The following CHFR variants were observed in gnomAD, a reference collection of about 807,000 sequenced individuals.
The protein encoded by CHFR is checkpoint with forkhead and ring finger domains.
CHFR carries 57 observed loss-of-function variants against 87.6 expected under a neutral mutation model. That is an observed-to-expected ratio of 0.65 (90% confidence interval 0.53 to 0.81). The LOEUF (loss-of-function observed/expected upper bound fraction) is 0.81, where lower values mean the gene tolerates loss of function less well. Ranked by LOEUF, CHFR falls within the 30% of genes least tolerant of loss-of-function variation. CHFR has a pLI of 0.00. For missense variants in CHFR, 797 were observed against 865.8 expected, an observed-to-expected ratio of 0.92 and a Z score of 1.00; for synonymous variants, 381 against 359.2, an observed-to-expected ratio of 1.06 and a Z score of -0.69.
chr12:132,866,539 A>ATGTTACAACACACCGCGAT (rs1214142009), intron 6 of CHFR: 1 of 149,868 alleles, frequency 6.7e-6, no homozygotes, highest in African/African-American at 2.4e-5. Flanking sequence ...AACACACCGG[A>ATGTTACAACACACCGCGAT]TGTTACAACA....
intron 10 of CHFR, 32 bp downstream of exon 10, chr12:132,856,436 A>G: frequency 6.2e-7 from 1 of 1,611,718 alleles, no homozygotes; most frequent in African/African-American, 1.3e-5. Context: ...TCTGGCTCAC[A>G]CACTCTGCTC....
rs1298882440 is a variant in CHFR at position 132,841,416 on chromosome 12, A to G, written c.*138T>C. ...GAGGGTAAAGCTCCACAGAAGAGTC[A>G]CCCCAGAGCACCTGTCGGAGACCCT... is the stretch of plus-strand genomic sequence containing the variant. On this transcript the variant is annotated 3_prime_UTR_variant, in exon 18 of 18. Transcript: ENST00000450056. The G allele has an allele frequency of 2.7e-6, 2 of 742,862 alleles. No homozygotes were observed. The highest frequency in any genetic ancestry group is 4.7e-6 in the Non-Finnish European group (2 of 425,278). The allele number at this position is 742,862 out of a possible 1,614,324, so 46.0% of individuals were successfully genotyped here.
At chr12:132,845,707 G>A (rs139341825) in intron 15 of CHFR, among the ~76,000 whole-genome samples, 43 of 152,098 alleles carry the variant, frequency 2.8e-4, no homozygotes, top group African/African-American at 7.7e-4. Flanking sequence ...ACAAAGCATC[G>A]TGTGCCCCCC....
intron 16 of CHFR, among the ~76,000 whole-genome samples, chr12:132,843,301 C>A (rs1395200416): frequency 6.6e-6 from 1 of 152,130 alleles, no homozygotes; most frequent in African/African-American, 2.4e-5. Context: ...TGGTTCATGC[C>A]TGTAATCCCA....
intron 2 of CHFR, among the ~76,000 whole-genome samples, chr12:132,881,000 T>G (rs1386818133): frequency 2.2e-5 from 3 of 138,410 alleles, no homozygotes; most frequent in Non-Finnish European, 4.7e-5. Flanking sequence ...GGGGCGGTGG[T>G]TCACGCCTAT....
At chr12:132,869,867 A>G (rs991434833) in intron 5 of CHFR, 69 bp from the exon 6 acceptor site, 20 of 1,517,216 alleles carry the variant, frequency 1.3e-5, no homozygotes, top group Non-Finnish European at 1.7e-5. Context: ...GCAGCACACA[A>G]CCAGGGCTCA....
chr12:132,881,958 G>T (rs566728902), intron 2 of CHFR, among the ~76,000 whole-genome samples: 2 of 151,980 alleles, frequency 1.3e-5, no homozygotes, highest in South Asian at 4.2e-4. Context: ...CTGTGGGACT[G>T]CAAAATGGAC....
Position 132,877,805 on chromosome 12 carries a change from T to G in CHFR, c.134-151A>C. The G allele has an allele frequency of 1.3e-5, 3 of 232,750 alleles. No individual in the cohort carries two copies. The East Asian group carries it at 2.7e-4, about 21-fold the overall frequency. The allele number at this position is 232,750 out of a possible 1,614,324, so 14.4% of individuals were successfully genotyped here. A position where few individuals can be genotyped will look rare whatever the true frequency, so the allele number is the denominator to read the frequency against. ...CTTGACCAAGAAAGACATAAAGAAA[T>G]TTTTTTTTTTTTCTTGAGACGGAGT... is the stretch of plus-strand genomic sequence containing the variant. On this transcript the variant is annotated intron_variant, in intron 2 of 17. Coordinates refer to ENST00000450056, the MANE Select transcript of CHFR (RefSeq NM_001161346.2).
intron 8 of CHFR, 64 bp downstream of exon 8, chr12:132,859,004 C>A: frequency 1.3e-6 from 2 of 1,513,640 alleles, no homozygotes; most frequent in Non-Finnish European, 9.0e-7. Context: ...CCCAGCCCTG[C>A]CCCACACGGG....
Position 132,869,731 on chromosome 12 carries a change from C to G in CHFR, c.471G>C (p.Gln157His). ...ATGGCTGTGGTTCCTCAAAGCACAC[C>G]TGAGTGGCGGGCGACGACGGAGGGA... ...PRVPPSSPAT[Q>H]VCFEEPQPST... Residue 157 changes from glutamine to histidine, a missense_variant, in exon 6 of 18, where the codon CAG becomes CAC. By Grantham distance (24) the Gln-to-His change is conservative (BLOSUM62 0). Transcript: ENST00000450056. 1 of 1,551,690 alleles carries G rather than the reference C, an allele frequency of 6.4e-7. No homozygotes were observed. Among genetic ancestry groups the G allele is most frequent in the South Asian group, 1.2e-5 (1 of 84,062 alleles).
chr12:132,856,287 C>G (rs1171932966), intron 10 of CHFR, among the ~76,000 whole-genome samples, 181 bp downstream of exon 10: 1 of 152,214 alleles, frequency 6.6e-6, no homozygotes, highest in East Asian at 1.9e-4. Flanking sequence ...CCACGCCTCT[C>G]AGGGGAGGTG....
chr12:132,859,351 T>C (rs1951161792), intron 7 of CHFR, 124 bp from the exon 8 acceptor site: 1 of 950,026 alleles, frequency 1.1e-6, no homozygotes, highest in Non-Finnish European at 1.6e-6. Context: ...AGGAAATACA[T>C]GCAGTCTTTT....
chr12:132,856,997 GT>G (rs1951088646), intron 9 of CHFR, among the ~76,000 whole-genome samples: 1 of 135,478 alleles, frequency 7.4e-6, no homozygotes, highest in Admixed American at 7.2e-5. Context: ...CCGGGTGCTG[GT>G]GTGGATGCCC....
intron 6 of CHFR, among the ~76,000 whole-genome samples, chr12:132,863,478 C>G (rs1319075828): frequency 6.6e-6 from 1 of 152,020 alleles, no homozygotes; most frequent in East Asian, 2.0e-4. Flanking sequence ...GCACTCCAGC[C>G]TGGGCAGTAA....
chr12:132,844,434 G>A (rs1396009224), intron 15 of CHFR, among the ~76,000 whole-genome samples: 4 of 150,818 alleles, frequency 2.7e-5, no homozygotes, highest in East Asian at 2.0e-4. Context: ...ACAGGTGCCC[G>A]CCACCACACC....
At chr12:132,876,275 G>T (rs574096035) in intron 3 of CHFR, among the ~76,000 whole-genome samples, 5 of 152,214 alleles carry the variant, frequency 3.3e-5, no homozygotes, top group African/African-American at 1.2e-4. Context: ...CATTTTTAAC[G>T]TATGAATAGG....
At chr12:132,875,155 T>C (rs1366841252) in intron 3 of CHFR, among the ~76,000 whole-genome samples, 1 of 152,256 alleles carries the variant, frequency 6.6e-6, no homozygotes, top group Non-Finnish European at 1.5e-5. Context: ...ATCTGATATC[T>C]ATTAGACTAG....
intron 3 of CHFR, among the ~76,000 whole-genome samples, chr12:132,876,346 A>G (rs1951631613): frequency 6.6e-6 from 1 of 152,240 alleles, no homozygotes; most frequent in African/African-American, 2.4e-5. Flanking sequence ...CCCTAATCAG[A>G]AATGTGAAAT....
At chr12:132,885,757 A>G (rs1438841525) in intron 2 of CHFR, among the ~76,000 whole-genome samples, 1 of 152,198 alleles carries the variant, frequency 6.6e-6, no homozygotes, top group Non-Finnish European at 1.5e-5. Context: ...TCTATGAAGT[A>G]GGTACATAGG....
Sources: gnomAD v4.1 joint callset for allele counts (sites outside exome capture counted in the v4.1 genomes callset) on GRCh38, gnomAD v4.1.1 for gene constraint, MANE v1.5 for transcripts, NCBI Gene and HGNC (gene_info 2026-07-23, HGNC 2026-07-21) for gene names.